Variants in IL34 observed in about 807,000 individuals in gnomAD.
IL34 encodes interleukin 34, also known as interleukin-34.
In IL34, 17 loss-of-function variants were observed where a neutral mutation model predicts 25.3. That is an observed-to-expected ratio of 0.67 (90% CI 0.46 to 1.01). The LOEUF (loss-of-function observed/expected upper bound fraction) is 1.01. Ranked by LOEUF, IL34 falls within the 50% of genes least tolerant of loss-of-function variation. The pLI is 0.00. For missense variants in IL34, 368 were observed against 312.9 expected, an observed-to-expected ratio of 1.18 and a Z score of -1.33; for synonymous variants, 174 against 140.9, an observed-to-expected ratio of 1.23 and a Z score of -1.66.
Position 70,657,383 on chromosome 16 carries a change from C to G in IL34, c.402+262C>G. The G allele has an allele frequency of 1.4e-5, 6 of 436,096 alleles. No homozygotes were observed. The South Asian group carries it at 2.2e-4, about 16-fold the overall frequency. The allele number at this position is 436,096 out of a possible 1,614,324, so 27.0% of individuals were successfully genotyped here. On this transcript the variant is annotated intron_variant, in intron 4 of 5. Transcript: ENST00000288098. The stretch of plus-strand genomic sequence containing the variant: ...TCTGTTCTAGGCTCTGCCTCTCTCC[C>G]TCTGGATCCTGGGCAAGTCATCGTA...
intron 1 of IL34, among the ~76,000 whole-genome samples, chr16:70,614,744 A>G (rs2051148252): frequency 6.6e-6 from 1 of 152,224 alleles, no homozygotes; most frequent in East Asian, 1.9e-4. Flanking sequence ...CACATAAAGC[A>G]TTTCTGGCAA....
At chr16:70,640,747 G>T (rs548873787) in intron 1 of IL34, among the ~76,000 whole-genome samples, 1 of 151,770 alleles carries the variant, frequency 6.6e-6, no homozygotes, top group South Asian at 2.1e-4. Context: ...TTAAGCATAC[G>T]GTTGGATAAA....
intron 4 of IL34, 79 bp from the exon 5 acceptor site, chr16:70,659,539 G>C (rs2052328795): frequency 1.3e-6 from 2 of 1,501,008 alleles, no homozygotes; most frequent in East Asian, 4.6e-5. Flanking sequence ...GGCAGCTCCA[G>C]GTGACTGGAC....
intron 1 of IL34, among the ~76,000 whole-genome samples, chr16:70,614,198 A>G (rs960260679): frequency 6.6e-6 from 1 of 151,202 alleles, no homozygotes; most frequent in African/African-American, 2.4e-5. Flanking sequence ...AAAAAAAAAA[A>G]GAAGTGCAGT....
chr16:70,626,545 C>G (rs543669515), intron 1 of IL34, among the ~76,000 whole-genome samples: 1 of 151,944 alleles, frequency 6.6e-6, no homozygotes, highest in East Asian at 1.9e-4. Context: ...TACAGGCATG[C>G]GCCACCACGC....
At chr16:70,624,112 T>C (rs1235514310) in intron 1 of IL34, among the ~76,000 whole-genome samples, 1 of 152,064 alleles carries the variant, frequency 6.6e-6, no homozygotes, top group African/African-American at 2.4e-5. Flanking sequence ...TTCCAGGGGC[T>C]CTGGGAGTGG....
chr16:70,632,377 A>C (rs2051539776), intron 1 of IL34, among the ~76,000 whole-genome samples: 1 of 152,214 alleles, frequency 6.6e-6, no homozygotes, highest in South Asian at 2.1e-4. Context: ...TTCTACCATG[A>C]AGCAAAATAA....
At chr16:70,610,927 TC>T (rs1023926898) in intron 1 of IL34, among the ~76,000 whole-genome samples, 28 of 151,868 alleles carry the variant, frequency 1.8e-4, no homozygotes, top group African/African-American at 6.8e-4. Flanking sequence ...TTGCGTTCTT[TC>T]CCCCCCTTCC....
chr16:70,642,594 C>T (rs890118433), upstream of IL34, among the ~76,000 whole-genome samples: 1 of 152,090 alleles, frequency 6.6e-6, no homozygotes, highest in Non-Finnish European at 1.5e-5. Context: ...CTGAGCCCGG[C>T]CTGATTTCTT....
intron 2 of IL34, among the ~76,000 whole-genome samples, chr16:70,656,058 C>T (rs576441224): frequency 2.3e-4 from 35 of 152,328 alleles, no homozygotes; most frequent in African/African-American, 8.2e-4. Flanking sequence ...CTTGAAGTAA[C>T]GTGTCCTCAC....
intron 5 of IL34, 28 bp from the exon 6 acceptor site, chr16:70,659,969 C>CTT (rs3214847): frequency 1.1e-3 from 1,536 of 1,369,574 alleles, no homozygotes; most frequent in South Asian, 2.3e-3. Context: ...CTGCTGCAGT[C>CTT]TTTTTTTTTT....
intron 1 of IL34, among the ~76,000 whole-genome samples, chr16:70,629,134 A>G (rs774039486): frequency 3.3e-5 from 5 of 152,106 alleles, no homozygotes; most frequent in Non-Finnish European, 7.4e-5. Flanking sequence ...ATTTATAATC[A>G]TCTCATGTAC....
chr16:70,605,078 C>A (rs2151821473), intron 1 of IL34, among the ~76,000 whole-genome samples: 1 of 152,180 alleles, frequency 6.6e-6, no homozygotes, highest in Admixed American at 6.5e-5. Context: ...TGCAAAGGGG[C>A]TGAGGCCAGT....
At chr16:70,606,218 G>A (rs1004492498) in intron 1 of IL34, among the ~76,000 whole-genome samples, 1 of 151,184 alleles carries the variant, frequency 6.6e-6, no homozygotes, top group Non-Finnish European at 1.5e-5. Flanking sequence ...GCAACATGGC[G>A]AAACCCCGTC....
intron 1 of IL34, among the ~76,000 whole-genome samples, chr16:70,641,157 A>G (rs2051773137): frequency 6.6e-6 from 1 of 152,134 alleles, no homozygotes; most frequent in Non-Finnish European, 1.5e-5. Context: ...GCCTGTAATC[A>G]TAGCTGCTTG....
intron 1 of IL34, 159 bp from the exon 2 acceptor site, chr16:70,654,379 C>T: frequency 1.0e-6 from 1 of 952,408 alleles, no homozygotes; most frequent in Non-Finnish European, 1.5e-6. Context: ...AGCCAGACCC[C>T]AGGGAAAGCA....
chr16:70,634,739 C>T (rs1401933975), intron 1 of IL34, among the ~76,000 whole-genome samples: 3 of 151,848 alleles, frequency 2.0e-5, no homozygotes, highest in Admixed American at 6.6e-5. Context: ...AGATCCTTAC[C>T]ACCACCAGCC....
chr16:70,639,590 A>C (rs572196776), intron 1 of IL34, among the ~76,000 whole-genome samples: 1 of 151,290 alleles, frequency 6.6e-6, no homozygotes, highest in East Asian at 2.0e-4. Context: ...TGTTGAAAGA[A>C]CACAGCACCG....
intron 1 of IL34, among the ~76,000 whole-genome samples, chr16:70,651,252 C>T (rs1009211299): frequency 6.6e-6 from 1 of 151,956 alleles, no homozygotes; most frequent in Non-Finnish European, 1.5e-5. Context: ...TAGCGCAGGG[C>T]AAAGCATGAG....
Sources: gnomAD v4.1 joint callset for allele counts (sites outside exome capture counted in the v4.1 genomes callset) on GRCh38, gnomAD v4.1.1 for gene constraint, MANE v1.5 for transcripts, NCBI Gene and HGNC (gene_info 2026-07-23, HGNC 2026-07-21) for gene names.